STXBP5L: variants seen among roughly 807,000 people sequenced by gnomAD.
STXBP5L encodes the protein syntaxin binding protein 5L.
STXBP5L carries 65 observed loss-of-function variants against 144.5 expected under a neutral mutation model. That is an observed-to-expected ratio of 0.45 (90% CI 0.37 to 0.55). STXBP5L has a LOEUF of 0.55. Among genes scored for constraint, STXBP5L ranks in the 20% least tolerant of loss-of-function variants. The probability of loss-of-function intolerance (pLI) is 0.00; values close to 1 mark genes in which losing one functional copy is unlikely to be tolerated. For missense variants in STXBP5L, 1,298 were observed against 1,405.5 expected (o/e 0.92, Z 1.22); for synonymous variants, 505 against 469.6 (o/e 1.08, Z -0.97).
chr3:120,991,717 A>G (rs1337877989), intron 3 of STXBP5L, among the ~76,000 whole-genome samples: 1 of 152,080 alleles, frequency 6.6e-6, no homozygotes, highest in Non-Finnish European at 1.5e-5. Flanking sequence ...AAGGACAAAA[A>G]ACCAAACACC....
At position 121,025,248 on chromosome 3, in the gene STXBP5L, A is replaced by G. The variant is rs138033319; in HGVS notation, c.288-16452A>G. Among the ~76,000 whole-genome samples, 23 of 152,214 alleles carry G rather than the reference A, an allele frequency of 1.5e-4. 1 individual carries two copies. The highest frequency in any genetic ancestry group is 6.8e-3 in the Middle Eastern group (2 of 294). On this transcript the variant is annotated intron_variant, in intron 3 of 26. Transcript: ENST00000471454. ...GTAGGAAATGCTTCCCTATCTCCCTATGCTGGACCTAGTGAAAAGGAGTTT... is the reference window on the plus strand; with the variant it reads ...GTAGGAAATGCTTCCCTATCTCCCTGTGCTGGACCTAGTGAAAAGGAGTTT...
At chr3:121,238,817 G>A (rs1192711748) in intron 12 of STXBP5L, among the ~76,000 whole-genome samples, 154 bp from the exon 13 acceptor site, 1 of 150,822 alleles carries the variant, frequency 6.6e-6, no homozygotes, top group Non-Finnish European at 1.5e-5. Context: ...TACAAAAAGA[G>A]CATTTTTGTT....
At chr3:120,917,487 T>C (rs2107571699) in intron 2 of STXBP5L, among the ~76,000 whole-genome samples, 1 of 152,266 alleles carries the variant, frequency 6.6e-6, no homozygotes, top group African/African-American at 2.4e-5. Context: ...CAATTGAGGC[T>C]ACCAGAAAGG....
chr3:121,274,344 T>C (rs190565858), intron 18 of STXBP5L, among the ~76,000 whole-genome samples: 98 of 152,358 alleles, frequency 6.4e-4, no homozygotes, highest in Non-Finnish European at 1.3e-3. Context: ...AAGTCAGTGT[T>C]GGCAAATACT....
chr3:121,386,091 A>G (rs1207733498), intron 22 of STXBP5L, among the ~76,000 whole-genome samples: 1 of 152,028 alleles, frequency 6.6e-6, no homozygotes, highest in Admixed American at 6.6e-5. Context: ...TCTCTTCTAA[A>G]CTGCAATAAG....
intron 5 of STXBP5L, among the ~76,000 whole-genome samples, chr3:121,052,547 C>G (rs28852138): frequency 7.9e-5 from 12 of 152,088 alleles, no homozygotes; most frequent in Admixed American, 3.3e-4. Context: ...ATTCAACAAC[C>G]CTTCATGCTA....
intron 14 of STXBP5L, among the ~76,000 whole-genome samples, chr3:121,250,055 G>T (rs1294845053): frequency 6.6e-6 from 1 of 151,872 alleles, no homozygotes; most frequent in East Asian, 1.9e-4. Context: ...TAGTCATTAT[G>T]TACTATCCTT....
Position 121,419,811 on chromosome 3 carries a change from T to A in STXBP5L, c.*714T>A, listed in dbSNP as rs554654173. The A allele has an allele frequency of 1.3e-5, 2 of 152,236 alleles. No individual in the cohort carries two copies. Among genetic ancestry groups the A allele is most frequent in the African/African-American group, 2.4e-5 (1 of 41,456 alleles). The allele number at this position is 152,236 out of a possible 1,614,324, so 9.4% of individuals were successfully genotyped here. A position where few individuals can be genotyped will look rare whatever the true frequency, so the allele number is the denominator to read the frequency against. On this transcript the variant is annotated 3_prime_UTR_variant, in exon 27 of 27. Transcript: ENST00000471454. ...ATTATTCCCAACACAATCAGTTTCA[T>A]TTCTATCACCTTCAGAATGGGTTGC...
At chr3:121,105,987 G>T (rs558575222) in intron 5 of STXBP5L, among the ~76,000 whole-genome samples, 1 of 151,948 alleles carries the variant, frequency 6.6e-6, no homozygotes, top group Admixed American at 6.6e-5. Flanking sequence ...CAAATTCAAA[G>T]GTCTGCCCAT....
intron 5 of STXBP5L, among the ~76,000 whole-genome samples, chr3:121,110,944 T>C (rs1409476905): frequency 1.3e-5 from 2 of 152,084 alleles, no homozygotes; most frequent in African/African-American, 4.8e-5. Flanking sequence ...TCCTTTTTCT[T>C]TTTTTTCCTA....
intron 10 of STXBP5L, among the ~76,000 whole-genome samples, chr3:121,211,090 G>A (rs981774027): frequency 6.6e-6 from 1 of 152,080 alleles, no homozygotes; most frequent in South Asian, 2.1e-4. Flanking sequence ...ATTTGTTTGT[G>A]TCCTCTTTTA....
chr3:120,934,048 C>T (rs956411971), intron 2 of STXBP5L, among the ~76,000 whole-genome samples: 2 of 150,786 alleles, frequency 1.3e-5, no homozygotes, highest in Admixed American at 6.6e-5. Context: ...ATTCTCTCTG[C>T]CTAGGTTAGC....
At chr3:121,349,519 C>A (rs1460992120) in intron 20 of STXBP5L, among the ~76,000 whole-genome samples, 1 of 151,986 alleles carries the variant, frequency 6.6e-6, no homozygotes, top group Admixed American at 6.6e-5. Flanking sequence ...TCCTTGTTAA[C>A]TTTCTGTCTC....
At chr3:121,115,501 A>G (rs1478233347) in intron 6 of STXBP5L, among the ~76,000 whole-genome samples, 1 of 152,150 alleles carries the variant, frequency 6.6e-6, no homozygotes, top group Non-Finnish European at 1.5e-5. Context: ...TACGTTATAC[A>G]TAGGTTTTTT....
intron 18 of STXBP5L, among the ~76,000 whole-genome samples, chr3:121,274,698 G>A (rs2050828033): frequency 2.0e-5 from 3 of 152,198 alleles, no homozygotes; most frequent in African/African-American, 7.2e-5. Context: ...ATTTGGCATT[G>A]ACACCAATGT....
chr3:121,133,924 C>T (rs2045119009), intron 7 of STXBP5L, among the ~76,000 whole-genome samples: 1 of 152,092 alleles, frequency 6.6e-6, no homozygotes, highest in Non-Finnish European at 1.5e-5. Context: ...AAGAGAACAG[C>T]AAGGGATTAC....
intron 5 of STXBP5L, among the ~76,000 whole-genome samples, chr3:121,064,306 T>C (rs766015725): frequency 2.0e-5 from 3 of 152,172 alleles, no homozygotes; most frequent in Non-Finnish European, 2.9e-5. Context: ...CTGCACCAAC[T>C]ATCTAACCAG....
In STXBP5L at chr3:121,278,841, C is replaced by T. The variant is rs1420016500; in HGVS notation, c.1959-964C>T. On this transcript the variant is annotated intron_variant, in intron 18 of 26. Coordinates refer to ENST00000471454, the MANE Select transcript of STXBP5L (RefSeq NM_001308330.2). ...TATAACAATACTTTTTTTCAGTTTC[C>T]AAAGTTTGTCTTACTGGAAGATGTA... 2.0e-5 allele frequency among the ~76,000 whole-genome samples: 3 copies of T among 150,840 alleles called. No individual in the cohort carries two copies. The Admixed American group carries it at 2.0e-4, about 10-fold the overall frequency.
chr3:121,343,109 A>G (rs1230187432), intron 20 of STXBP5L, among the ~76,000 whole-genome samples: 1 of 151,948 alleles, frequency 6.6e-6, no homozygotes, highest in African/African-American at 2.4e-5. Flanking sequence ...GATGGTGAGC[A>G]TTTTTTCCTG....
Sources: gnomAD v4.1 joint callset for allele counts (sites outside exome capture counted in the v4.1 genomes callset) on GRCh38, gnomAD v4.1.1 for gene constraint, MANE v1.5 for transcripts, NCBI Gene and HGNC (gene_info 2026-07-23, HGNC 2026-07-21) for gene names.